Variants in MTFR1 observed in about 807,000 individuals in gnomAD.
The protein encoded by MTFR1 is mitochondrial fission regulator 1.
In MTFR1, 28 loss-of-function variants were observed where a neutral mutation model predicts 38.8. The ratio of observed to expected loss-of-function variants is 0.72; its 90% CI spans 0.53 to 0.99. The LOEUF is 0.99. MTFR1 is among the 50% of genes least tolerant of loss of function. The pLI is 0.00. For synonymous variants in MTFR1, 145 were observed against 137.0 expected (o/e 1.06, Z -0.41); for missense variants, 358 against 395.5 (o/e 0.91, Z 0.81).
chr8:65,664,554 A>G (rs1804316911), intron 1 of MTFR1, among the ~76,000 whole-genome samples: 1 of 151,424 alleles, frequency 6.6e-6, no homozygotes, highest in African/African-American at 2.4e-5. Flanking sequence ...ACTTATGTGT[A>G]TATTTTTCTG....
chr8:65,742,799 C>G (rs981903483), intron 3 of MTFR1, among the ~76,000 whole-genome samples: 10 of 152,194 alleles, frequency 6.6e-5, no homozygotes, highest in Non-Finnish European at 1.3e-4. Flanking sequence ...CCTCTAAAAT[C>G]AAAGGTGGGT....
chr8:65,711,930 A>G (rs1805957814), downstream of MTFR1, among the ~76,000 whole-genome samples: 1 of 152,178 alleles, frequency 6.6e-6, no homozygotes, highest in Non-Finnish European at 1.5e-5. Flanking sequence ...CAGGAGGGTA[A>G]ATGTTAAGAC....
chr8:65,669,940 CTT>C lies in MTFR1; in HGVS notation c.-11_-10del, dbSNP rs1339486844. 5.0e-6 allele frequency: 8 copies of C among 1,603,914 alleles called. No individual in the cohort carries two copies. The highest frequency in any genetic ancestry group is 1.8e-5 in the Admixed American group (1 of 56,478). ...TACTTGAAATGCAAATTTGGGGAGA[CTT>C]TGCCATATAAATGCTTGGCTGGATT... On this transcript the variant is annotated 5_prime_UTR_variant, in exon 2 of 8. It removes the in-frame stop codon of an upstream open reading frame in the 5' UTR. Transcript: ENST00000262146.
intron 3 of MTFR1, chr8:65,727,508 A>T: frequency 1.9e-6 from 1 of 524,830 alleles, no homozygotes; most frequent in Non-Finnish European, 3.2e-6. Flanking sequence ...ATGATACAAC[A>T]GTGGCCCTGC....
At chr8:65,700,679 A>G (rs951441701) in intron 4 of MTFR1, among the ~76,000 whole-genome samples, 8 of 152,338 alleles carry the variant, frequency 5.3e-5, no homozygotes, top group Admixed American at 4.6e-4. Context: ...CAAAGGGAAA[A>G]GTCAAGCTGG....
downstream of MTFR1, among the ~76,000 whole-genome samples, chr8:65,776,158 G>A (rs1809253503): frequency 6.6e-6 from 1 of 152,056 alleles, no homozygotes; most frequent in African/African-American, 2.4e-5. Flanking sequence ...AATGCATGGT[G>A]TGAACAGGGT....
intron 3 of MTFR1, among the ~76,000 whole-genome samples, chr8:65,760,914 T>G (rs1194718657): frequency 7.5e-6 from 1 of 132,804 alleles, no homozygotes; most frequent in Non-Finnish European, 1.7e-5. Context: ...ATTAACATCA[T>G]TTAGGAATAC....
chr8:65,655,970 C>CATATATATATATATATATATAT (rs1367084824), intron 1 of MTFR1, among the ~76,000 whole-genome samples: 1 of 53,626 alleles, frequency 1.9e-5, no homozygotes, highest in African/African-American at 1.0e-4. Flanking sequence ...ATATATATAC[C>CATATATATATATATATATATAT]ATATATATAT....
chr8:65,685,419 A>G (rs1805042075), intron 3 of MTFR1, among the ~76,000 whole-genome samples: 1 of 152,216 alleles, frequency 6.6e-6, no homozygotes, highest in East Asian at 1.9e-4. Flanking sequence ...TAGTAGTTTG[A>G]ATACCAACTC....
intron 3 of MTFR1, 134 bp from the exon 4 acceptor site, chr8:65,693,510 C>T (rs919193331): frequency 7.7e-6 from 5 of 646,766 alleles, no homozygotes; most frequent in Middle Eastern, 2.7e-4. Context: ...TCATGGAGAC[C>T]TTCAGTGGAA....
At chr8:65,736,577 C>A (rs968158524) in intron 3 of MTFR1, among the ~76,000 whole-genome samples, 3 of 151,876 alleles carry the variant, frequency 2.0e-5, no homozygotes, top group Non-Finnish European at 2.9e-5. Flanking sequence ...ATTAGCAAGA[C>A]CTTGTCCCTA....
intron 1 of MTFR1, among the ~76,000 whole-genome samples, chr8:65,657,222 G>A (rs979630198): frequency 2.6e-5 from 4 of 151,650 alleles, no homozygotes; most frequent in African/African-American, 7.3e-5. Context: ...CATGTTGGCC[G>A]GGCTGGTCTC....
chr8:65,704,919 T>C lies in MTFR1; in HGVS notation c.507T>C (p.Asn169=), dbSNP rs1340578011. The change falls in exon 5 of 8, where the codon AAT becomes AAC. Residue 169 remains asparagine (N), a synonymous_variant. Coordinates refer to ENST00000262146, the MANE Select transcript of MTFR1 (RefSeq NM_014637.4). ...AKIVTQQEQQ[N]LTAGDLDSTT... ...TTGTGACCCAGCAGGAGCAGCAAAATCTCACTGCAGGTCTGTAAGTCCTAC... is the reference window on the plus strand; with the variant it reads ...TTGTGACCCAGCAGGAGCAGCAAAACCTCACTGCAGGTCTGTAAGTCCTAC... 1.3e-6 allele frequency: 2 copies of C among 1,588,376 alleles called. No individual in the cohort carries two copies. Among genetic ancestry groups the C allele is most frequent in the Non-Finnish European group, 1.7e-6 (2 of 1,164,458 alleles).
At chr8:65,700,733 G>A (rs972052000) in intron 4 of MTFR1, among the ~76,000 whole-genome samples, 1 of 152,172 alleles carries the variant, frequency 6.6e-6, no homozygotes, top group Non-Finnish European at 1.5e-5. Context: ...TTGCATCAGA[G>A]CAAAGCTGCC....
At chr8:65,679,343 C>T (rs568068511) in intron 2 of MTFR1, among the ~76,000 whole-genome samples, 5 of 152,230 alleles carry the variant, frequency 3.3e-5, no homozygotes, top group African/African-American at 1.2e-4. Flanking sequence ...CGGTGGTGCA[C>T]GCCTGTAATC....
chr8:65,645,423 A>G (rs1042942783), intron 1 of MTFR1, among the ~76,000 whole-genome samples: 1 of 152,254 alleles, frequency 6.6e-6, no homozygotes, highest in Non-Finnish European at 1.5e-5. Flanking sequence ...TTATTATGGA[A>G]ATCTTCAAAC....
At chr8:65,658,635 C>A (rs527953117) in intron 1 of MTFR1, among the ~76,000 whole-genome samples, 2 of 152,094 alleles carry the variant, frequency 1.3e-5, no homozygotes, top group Admixed American at 6.6e-5. Flanking sequence ...CACACACACA[C>A]ATTTTCATTG....
intron 1 of MTFR1, among the ~76,000 whole-genome samples, chr8:65,662,891 C>G (rs948491052): frequency 6.6e-6 from 1 of 151,428 alleles, no homozygotes; most frequent in Non-Finnish European, 1.5e-5. Flanking sequence ...CCAGCCGCCC[C>G]GTCCTGGAGG....
chr8:65,647,332 G>C (rs1201507095), intron 1 of MTFR1, among the ~76,000 whole-genome samples: 1 of 152,124 alleles, frequency 6.6e-6, no homozygotes, highest in African/African-American at 2.4e-5. Flanking sequence ...TTTTTTTTGA[G>C]ATGGAGTTTT....
Sources: allele counts gnomAD v4.1 joint callset (sites outside exome capture counted in the v4.1 genomes callset), GRCh38; gene constraint gnomAD v4.1.1; transcripts MANE v1.5; gene names NCBI Gene and HGNC (gene_info 2026-07-23, HGNC 2026-07-21).